The following AGAP4 variants were observed in gnomAD, a reference collection of about 807,000 sequenced individuals.
AGAP4 encodes the protein arf-GAP with GTPase, ANK repeat and PH domain-containing protein 4.
In AGAP4, 13 loss-of-function variants were observed where a neutral mutation model predicts 60.7. The ratio of observed to expected loss-of-function variants is 0.21; its 90% CI spans 0.14 to 0.34. The LOEUF is 0.34. AGAP4 is among the 10% of genes least tolerant of loss of function. The pLI is 1.00. For synonymous variants in AGAP4, 70 were observed against 339.0 expected (o/e 0.21, Z 8.72); for missense variants, 169 against 884.0 (o/e 0.19, Z 10.26).
intron 3 of AGAP4, 80 bp downstream of exon 3, chr10:45,844,246 T>C: frequency 6.4e-7 from 1 of 1,552,558 alleles, no homozygotes; most frequent in Non-Finnish European, 8.6e-7. Context: ...CCAATATGAG[T>C]TTTTCTAAAT....
chr10:45,851,422 A>G (rs1289856480), upstream of AGAP4, among the ~76,000 whole-genome samples: 2 of 152,038 alleles, frequency 1.3e-5, no homozygotes, highest in Admixed American at 6.6e-5. Context: ...CCCAATGCAG[A>G]GTCAAATTTT....
intron 1 of AGAP4, among the ~76,000 whole-genome samples, chr10:45,852,544 C>CTT (rs1261370656): frequency 3.3e-5 from 5 of 151,350 alleles, no homozygotes; most frequent in African/African-American, 1.2e-4. Context: ...TTTACAAACT[C>CTT]TAACATATAA....
At chr10:45,849,470 G>GATTATT (rs201974903), upstream of AGAP4, among the ~76,000 whole-genome samples, 2,130 of 145,812 alleles carry the variant, frequency 0.015, 6 homozygotes, top group Middle Eastern at 0.021. Context: ...TGATGATGAT[G>GATTATT]ATGATTATTA....
chr10:45,838,598 G>T (rs1158766593), intron 4 of AGAP4, among the ~76,000 whole-genome samples: 1 of 149,716 alleles, frequency 6.7e-6, no homozygotes, highest in Non-Finnish European at 1.5e-5. Flanking sequence ...CCGAGACAGG[G>T]TCTCCCTTTG....
At chr10:45,840,302 TATCA>T (rs1287296156) in intron 4 of AGAP4, among the ~76,000 whole-genome samples, 1 of 140,168 alleles carries the variant, frequency 7.1e-6, no homozygotes, top group African/African-American at 2.8e-5. Flanking sequence ...GTGTACTCTC[TATCA>T]AAGAGGAGGG....
At chr10:45,849,113 C>A (rs1554900007), upstream of AGAP4, among the ~76,000 whole-genome samples, 1 of 136,146 alleles carries the variant, frequency 7.3e-6, no homozygotes, top group Admixed American at 7.2e-5. Context: ...GTAATCCCAG[C>A]TACTCAGGAG....
intron 5 of AGAP4, 108 bp from the exon 6 acceptor site, chr10:45,831,537 A>C (rs1473152916): frequency 2.1e-6 from 2 of 974,944 alleles, no homozygotes; most frequent in Non-Finnish European, 3.1e-6. Flanking sequence ...CTGAAATTCA[A>C]ATCTTCTAGT....
upstream of AGAP4, among the ~76,000 whole-genome samples, chr10:45,849,424 T>C (rs1321321332): frequency 6.6e-6 from 1 of 151,418 alleles, no homozygotes; most frequent in Non-Finnish European, 1.5e-5. Flanking sequence ...AAAGTAAAGG[T>C]AGAAGTCAAG....
upstream of AGAP4, among the ~76,000 whole-genome samples, chr10:45,848,587 G>A (rs1481066829): frequency 6.6e-6 from 1 of 152,000 alleles, no homozygotes; most frequent in Admixed American, 6.6e-5. Context: ...AGACGGAGAA[G>A]GTAAGCAACC....
chr10:45,835,067 C>T (rs1270989064), intron 4 of AGAP4, among the ~76,000 whole-genome samples: 1 of 145,438 alleles, frequency 6.9e-6, no homozygotes, highest in African/African-American at 2.7e-5. Flanking sequence ...GCCACGGCGC[C>T]CAGCCCTTCT....
intron 4 of AGAP4, among the ~76,000 whole-genome samples, chr10:45,839,334 A>G (rs2058880268): frequency 1.6e-5 from 2 of 123,266 alleles, no homozygotes; most frequent in African/African-American, 5.5e-5. Context: ...AAATGTGAAA[A>G]AAAAAAAAAA....
At chr10:45,839,828 C>A (rs1360259153) in intron 4 of AGAP4, among the ~76,000 whole-genome samples, 16 of 127,710 alleles carry the variant, frequency 1.3e-4, no homozygotes, top group Admixed American at 3.8e-4. Context: ...AAATCAGGAG[C>A]AAAACTTTAA....
At chr10:45,849,499 T>A (rs1331222387), upstream of AGAP4, among the ~76,000 whole-genome samples, 1 of 151,000 alleles carries the variant, frequency 6.6e-6, no homozygotes, top group Non-Finnish European at 1.5e-5. Context: ...ATTATTATTA[T>A]TTTGAGATGA....
At chr10:45,836,904 G>A (rs1230848724) in intron 4 of AGAP4, among the ~76,000 whole-genome samples, 4 of 146,518 alleles carry the variant, frequency 2.7e-5, no homozygotes, top group Non-Finnish European at 6.0e-5. Flanking sequence ...TCGCTCTGTT[G>A]CCCAGGCTGG....
chr10:45,831,961 G>C lies in AGAP4; in HGVS notation c.498-532C>G, dbSNP rs1312063933. Among the ~76,000 whole-genome samples the C allele has an allele frequency of 2.1e-4, 31 of 146,442 alleles. 1 individual carries two copies. In the South Asian group the frequency reaches 7.0e-3, roughly 33 times the overall value. ...TTTCGCTCTTGTTGCCCAGGCTGGA[G>C]TGCAATGGTGTGATCTCGGCTCACC... is the stretch of plus-strand genomic sequence containing the variant. On this transcript the variant is annotated intron_variant, in intron 5 of 7. Transcript: ENST00000616763.
In AGAP4 at chr10:45,853,768, G is replaced by T. The variant is rs1463235585; in HGVS notation, n.108C>A. ...CTGGAGAAGACCTTACAGTTCTCAT[G>T]GACAAAGTTTGTGAAGGCATCTTAG... On this transcript the variant is annotated non_coding_transcript_exon_variant, in exon 1 of 10. Transcript: ENST00000430779. The T allele has an allele frequency of 3.7e-5, 48 of 1,287,708 alleles. No homozygotes were observed. In the South Asian group the frequency reaches 5.8e-4, roughly 16 times the overall value. The allele number at this position is 1,287,708 out of a possible 1,614,324, so 79.8% of individuals were successfully genotyped here. A position where few individuals can be genotyped will look rare whatever the true frequency, so the allele number is the denominator to read the frequency against.
chr10:45,844,445 T>A lies in AGAP4; in HGVS notation c.293-51A>T, dbSNP rs1281030952. Reference sequence around the variant, plus strand: ...AAAAAGATGTAATCATTGATAAAAATTTATCAACTCGTTTATTCGACTGCT... The same window carrying A: ...AAAAAGATGTAATCATTGATAAAAAATTATCAACTCGTTTATTCGACTGCT... On this transcript the variant is annotated intron_variant, in intron 2 of 7. Transcript: ENST00000616763. 2 of 1,592,206 alleles carry A rather than the reference T, an allele frequency of 1.3e-6. 1 individual carries two copies. Among genetic ancestry groups the A allele is most frequent in the African/African-American group, 2.8e-5 (2 of 71,512 alleles).
intron 1 of AGAP4, among the ~76,000 whole-genome samples, chr10:45,853,000 G>C (rs2059102817): frequency 6.6e-6 from 1 of 151,836 alleles, no homozygotes; most frequent in African/African-American, 2.4e-5. Flanking sequence ...CTTAAAGCAA[G>C]AATAATCACA....
chr10:45,851,160 G>A (rs1302199395), upstream of AGAP4, among the ~76,000 whole-genome samples: 23 of 152,052 alleles, frequency 1.5e-4, no homozygotes, highest in African/African-American at 4.4e-4. Flanking sequence ...AGCCATGGGT[G>A]TGGAGGTGAC....
Sources: allele counts gnomAD v4.1 joint callset (sites outside exome capture counted in the v4.1 genomes callset), GRCh38; gene constraint gnomAD v4.1.1; transcripts MANE v1.5; gene names NCBI Gene and HGNC (gene_info 2026-07-23, HGNC 2026-07-21).